The following RHPN2 variants were observed in gnomAD, a reference collection of about 807,000 sequenced individuals.
RHPN2 encodes the protein rhophilin Rho GTPase binding protein 2.
A neutral mutation model predicts 79.0 loss-of-function variants in RHPN2; 40 were observed. That is an observed-to-expected ratio of 0.51 (90% CI 0.39 to 0.66). The LOEUF (loss-of-function observed/expected upper bound fraction) is 0.66, where lower values mean the gene tolerates loss of function less well. Ranked by LOEUF, RHPN2 falls within the 30% of genes least tolerant of loss-of-function variation. RHPN2 has a pLI of 0.00. For synonymous variants in RHPN2, 285 were observed against 363.5 expected, an observed-to-expected ratio of 0.78 and a Z score of 2.46; for missense variants, 686 against 883.5, an observed-to-expected ratio of 0.78 and a Z score of 2.83.
chr19:33,038,323 T>G (rs1174526776), intron 2 of RHPN2, among the ~76,000 whole-genome samples: 1 of 144,024 alleles, frequency 6.9e-6, no homozygotes, highest in Non-Finnish European at 1.5e-5. Flanking sequence ...AAAATTAGCC[T>G]ACTATGGTGG....
chr19:33,043,508 C>A (rs529314056), intron 2 of RHPN2, among the ~76,000 whole-genome samples: 40 of 152,248 alleles, frequency 2.6e-4, no homozygotes, highest in African/African-American at 9.4e-4. Context: ...GCCGAGATCA[C>A]GCCACTGCAC....
chr19:32,987,832 A>G (rs930343054), intron 14 of RHPN2, among the ~76,000 whole-genome samples: 8 of 152,112 alleles, frequency 5.3e-5, no homozygotes, highest in Non-Finnish European at 1.2e-4. Context: ...CATTCAAAAC[A>G]TGACTCTTGA....
At chr19:33,024,119 TG>T (rs1971947621) in intron 3 of RHPN2, among the ~76,000 whole-genome samples, 2 of 152,168 alleles carry the variant, frequency 1.3e-5, no homozygotes, top group Admixed American at 1.3e-4. Flanking sequence ...TTCCATTAGC[TG>T]TCGCACTGAC....
rs528647896 is a variant in RHPN2 at position 33,032,856 on chromosome 19, G to A, written c.186-6224C>T. Among the ~76,000 whole-genome samples, 3 of 152,084 alleles carry A rather than the reference G, an allele frequency of 2.0e-5. No homozygotes were observed. In the East Asian group the frequency reaches 5.8e-4, roughly 29 times the overall value. On this transcript the variant is annotated intron_variant, in intron 2 of 14. Coordinates refer to ENST00000254260, the MANE Select transcript of RHPN2 (RefSeq NM_033103.5). Reference sequence around the variant, plus strand: ...CCAAATATATTCCCTTCCTCCTATTGCCTGCCAGGAAGCTCAGAGACAAAC... The same window carrying A: ...CCAAATATATTCCCTTCCTCCTATTACCTGCCAGGAAGCTCAGAGACAAAC...
chr19:33,005,993 T>C (rs1400180431), intron 7 of RHPN2, among the ~76,000 whole-genome samples: 1 of 151,866 alleles, frequency 6.6e-6, no homozygotes, highest in African/African-American at 2.4e-5. Context: ...GATCCTTCTG[T>C]CTCAGCCTCC....
intron 7 of RHPN2, among the ~76,000 whole-genome samples, chr19:33,004,107 T>G (rs527405350): frequency 2.0e-5 from 3 of 152,182 alleles, no homozygotes; most frequent in Non-Finnish European, 4.4e-5. Flanking sequence ...GGCACAATCA[T>G]GGCTCACTGC....
At chr19:33,024,846 G>A (rs1180838642) in intron 3 of RHPN2, among the ~76,000 whole-genome samples, 1 of 152,068 alleles carries the variant, frequency 6.6e-6, no homozygotes, top group Non-Finnish European at 1.5e-5. Flanking sequence ...CGACCTCCCT[G>A]GCTCAAGTGA....
chr19:33,003,133 C>T, intron 7 of RHPN2, 133 bp from the exon 8 acceptor site: 1 of 762,716 alleles, frequency 1.3e-6, no homozygotes, highest in East Asian at 2.8e-5. Flanking sequence ...CCGAAGTGAG[C>T]AGATCACTTG....
chr19:33,009,941 G>A (rs1273593966), intron 6 of RHPN2, among the ~76,000 whole-genome samples: 3 of 151,786 alleles, frequency 2.0e-5, no homozygotes, highest in Non-Finnish European at 2.9e-5. Context: ...ACCATGCCCA[G>A]CTAATTTTTG....
chr19:33,029,869 C>T (rs1445415392), intron 2 of RHPN2, among the ~76,000 whole-genome samples: 1 of 152,190 alleles, frequency 6.6e-6, no homozygotes, highest in African/African-American at 2.4e-5. Flanking sequence ...AGTGGAATCC[C>T]ACAGACCGTG....
At chr19:33,030,694 G>T (rs191637184) in intron 2 of RHPN2, among the ~76,000 whole-genome samples, 12 of 152,252 alleles carry the variant, frequency 7.9e-5, no homozygotes, top group African/African-American at 2.4e-4. Flanking sequence ...GAAGTCATAG[G>T]CGTGATCCAC....
At chr19:32,998,629 A>T (rs1170778268) in intron 10 of RHPN2, among the ~76,000 whole-genome samples, 1 of 151,786 alleles carries the variant, frequency 6.6e-6, no homozygotes, top group Non-Finnish European at 1.5e-5. Context: ...CCTGGGGGAC[A>T]GCAAGATGCT....
intron 3 of RHPN2, among the ~76,000 whole-genome samples, chr19:33,026,267 G>A (rs539494256): frequency 1.6e-4 from 25 of 151,888 alleles, no homozygotes; most frequent in African/African-American, 3.9e-4. Context: ...GTGAGCCACC[G>A]TGCCCGGCCT....
intron 14 of RHPN2, among the ~76,000 whole-genome samples, chr19:32,984,662 A>G (rs1971601493): frequency 6.6e-6 from 1 of 152,104 alleles, no homozygotes; most frequent in Non-Finnish European, 1.5e-5. Context: ...CTGTCTCCAA[A>G]AAAAAAGAGC....
chr19:33,029,843 C>CTAGG (rs1219676193), intron 2 of RHPN2, among the ~76,000 whole-genome samples: 1 of 152,136 alleles, frequency 6.6e-6, no homozygotes, highest in African/African-American at 2.4e-5. Flanking sequence ...GCCCAGGCTT[C>CTAGG]TAGGGGTCCT....
At chr19:32,988,693 C>G (rs1971630591) in intron 14 of RHPN2, among the ~76,000 whole-genome samples, 1 of 152,154 alleles carries the variant, frequency 6.6e-6, no homozygotes. Flanking sequence ...TGCAGGGGCT[C>G]TGTACCTGTA....
At chr19:33,036,771 T>A (rs10404631) in intron 2 of RHPN2, among the ~76,000 whole-genome samples, 22,498 of 152,148 alleles carry the variant, frequency 0.15, 1,930 homozygotes, top group South Asian at 0.33. Flanking sequence ...AGTGAGGGGC[T>A]TAGCACCTGG....
At chr19:33,012,828 AAAG>A (rs1259176011) in intron 4 of RHPN2, 104 bp from the exon 5 acceptor site, 306 of 707,852 alleles carry the variant, frequency 4.3e-4, no homozygotes, top group Non-Finnish European at 7.1e-4. Context: ...AAGGCAGAAT[AAAG>A]AAAAACTTAT....
At chr19:33,046,314 T>C (rs1246488153) in intron 1 of RHPN2, among the ~76,000 whole-genome samples, 1 of 152,076 alleles carries the variant, frequency 6.6e-6, no homozygotes, top group Non-Finnish European at 1.5e-5. Flanking sequence ...CGTCCAGGCT[T>C]GAGTGCAGTG....
Sources: allele counts gnomAD v4.1 joint callset (sites outside exome capture counted in the v4.1 genomes callset), GRCh38; gene constraint gnomAD v4.1.1; transcripts MANE v1.5; gene names NCBI Gene and HGNC (gene_info 2026-07-23, HGNC 2026-07-21).